The following KCND3 variants were observed in gnomAD, a reference collection of about 807,000 sequenced individuals.
The protein encoded by KCND3 is potassium voltage-gated channel subfamily D member 3.
Under a neutral mutation model 51.1 loss-of-function variants are expected in KCND3, and 9 were observed. That is an observed-to-expected ratio of 0.18 (90% CI 0.11 to 0.31). KCND3 has a LOEUF of 0.31. Among genes scored for constraint, KCND3 ranks in the 10% least tolerant of loss-of-function variants. The pLI is 1.00. For missense variants in KCND3, 526 were observed against 903.8 expected (o/e 0.58, Z 5.36); for synonymous variants, 349 against 368.0 (o/e 0.95, Z 0.59).
At chr1:111,840,271 G>C (rs564065784) in intron 2 of KCND3, among the ~76,000 whole-genome samples, 3 of 152,198 alleles carry the variant, frequency 2.0e-5, no homozygotes, top group Non-Finnish European at 4.4e-5. Context: ...CACAACACTG[G>C]CCTCAGACCT....
chr1:111,969,023 G>A (rs373169969), intron 2 of KCND3, among the ~76,000 whole-genome samples: 1 of 150,042 alleles, frequency 6.7e-6, no homozygotes, highest in African/African-American at 2.4e-5. Flanking sequence ...TTTTTTCTTT[G>A]GAGGGGCAAA....
intron 2 of KCND3, among the ~76,000 whole-genome samples, chr1:111,915,362 T>C (rs1671147449): frequency 6.6e-6 from 1 of 151,842 alleles, no homozygotes; most frequent in Admixed American, 6.6e-5. Flanking sequence ...AAGACCTAAC[T>C]ATGTGCTATC....
chr1:111,954,761 C>A (rs1053960914), intron 2 of KCND3, among the ~76,000 whole-genome samples: 12 of 152,240 alleles, frequency 7.9e-5, no homozygotes, highest in African/African-American at 2.9e-4. Context: ...CAGCAGCCTT[C>A]ATTCAGAATT....
intron 2 of KCND3, among the ~76,000 whole-genome samples, chr1:111,805,920 C>G (rs150085303): frequency 1.3e-5 from 2 of 152,124 alleles, no homozygotes; most frequent in African/African-American, 4.8e-5. Flanking sequence ...GGTGGCAGGA[C>G]GGGGACAGGA....
At position 111,796,932 on chromosome 1, in the gene KCND3, C is replaced by T. The variant is rs558909023; in HGVS notation, c.1107-9826G>A. ...CTTGTAGAGTCACAGCCAGTCACAG[C>T]GGCAGGCTCCTGGCCAAGATCACTT... On this transcript the variant is annotated intron_variant, in intron 2 of 7. Coordinates refer to ENST00000302127, the MANE Select transcript of KCND3 (RefSeq NM_001378969.1). Among the ~76,000 whole-genome samples, 6 of 152,260 alleles carry T rather than the reference C, an allele frequency of 3.9e-5. No individual in the cohort carries two copies. The East Asian group carries it at 7.7e-4, about 20-fold the overall frequency.
intron 2 of KCND3, among the ~76,000 whole-genome samples, chr1:111,827,863 C>T (rs1666648923): frequency 6.6e-6 from 1 of 152,164 alleles, no homozygotes; most frequent in Admixed American, 6.5e-5. Context: ...AGAAATGGGG[C>T]TCCAAGGGAT....
At chr1:111,829,923 AG>A (rs1666758347) in intron 2 of KCND3, among the ~76,000 whole-genome samples, 1 of 152,120 alleles carries the variant, frequency 6.6e-6, no homozygotes, top group African/African-American at 2.4e-5. Context: ...CTGCATCCTT[AG>A]TGTTGCGTTG....
intron 2 of KCND3, among the ~76,000 whole-genome samples, chr1:111,946,889 T>C (rs903916103): frequency 1.1e-4 from 17 of 152,220 alleles, no homozygotes; most frequent in Admixed American, 6.5e-5. Flanking sequence ...TCAGGAACTC[T>C]ATTAGGCTCT....
At position 111,901,597 on chromosome 1, in the gene KCND3, A is replaced by G. The variant is rs578191528; in HGVS notation, c.1106+80024T>C. Among the ~76,000 whole-genome samples the G allele has an allele frequency of 2.6e-3, 399 of 152,366 alleles. 1 individual carries two copies. Among genetic ancestry groups the G allele is most frequent in the African/African-American group, 9.0e-3 (373 of 41,586 alleles). On this transcript the variant is annotated intron_variant, in intron 2 of 7. Transcript: ENST00000302127. The stretch of plus-strand genomic sequence containing the variant: ...CCAGACTAAAGAATGAGACCTCATG[A>G]AAATGGGTCAGGACAATAAATGCTG...
intron 2 of KCND3, among the ~76,000 whole-genome samples, chr1:111,867,304 A>G (rs1264447952): frequency 2.6e-5 from 4 of 152,052 alleles, no homozygotes; most frequent in Admixed American, 6.5e-5. Context: ...TAGGTGCTCA[A>G]TGTGTGTTTG....
chr1:111,916,415 T>A (rs1028111239), intron 2 of KCND3, among the ~76,000 whole-genome samples: 7 of 152,182 alleles, frequency 4.6e-5, no homozygotes, highest in Non-Finnish European at 7.4e-5. Flanking sequence ...ATGTAGTAGC[T>A]AAAAGTGCTT....
At chr1:111,965,336 T>A (rs1038474710) in intron 2 of KCND3, among the ~76,000 whole-genome samples, 5 of 151,852 alleles carry the variant, frequency 3.3e-5, no homozygotes, top group Admixed American at 3.3e-4. Flanking sequence ...GGACTCTAGA[T>A]GGCAGGAAGA....
At chr1:111,897,477 C>A (rs545985572) in intron 2 of KCND3, among the ~76,000 whole-genome samples, 166 of 152,342 alleles carry the variant, frequency 1.1e-3, no homozygotes, top group African/African-American at 3.8e-3. Context: ...GGCAGTCAGG[C>A]ACACAGGCCT....
chr1:111,988,656 A>G (rs1159570248), intron 1 of KCND3: 1 of 152,156 alleles, frequency 6.6e-6, no homozygotes, highest in African/African-American at 2.4e-5. Context: ...ATTCATGCAA[A>G]ATACAGCAAC....
intron 2 of KCND3, among the ~76,000 whole-genome samples, chr1:111,931,301 T>C (rs1191877694): frequency 6.6e-6 from 1 of 152,170 alleles, no homozygotes; most frequent in Non-Finnish European, 1.5e-5. Flanking sequence ...TACCTTCTTG[T>C]ACTGTTTTGA....
intron 2 of KCND3, among the ~76,000 whole-genome samples, chr1:111,931,459 A>G (rs897865458): frequency 1.3e-5 from 2 of 152,232 alleles, no homozygotes; most frequent in African/African-American, 2.4e-5. Flanking sequence ...TCCTCAAGGA[A>G]AAGGTCCCAC....
intron 2 of KCND3, among the ~76,000 whole-genome samples, chr1:111,858,104 T>A (rs1186255383): frequency 6.6e-6 from 1 of 152,196 alleles, no homozygotes; most frequent in Non-Finnish European, 1.5e-5. Context: ...CCTTCAAACA[T>A]GTGGCTGCCC....
At chr1:111,967,707 C>A (rs891348728) in intron 2 of KCND3, among the ~76,000 whole-genome samples, 40 of 152,342 alleles carry the variant, frequency 2.6e-4, no homozygotes, top group African/African-American at 9.6e-4. Flanking sequence ...TAAGGATTAT[C>A]CAGGCTACTG....
chr1:111,886,262 G>A (rs1209299770), intron 2 of KCND3, among the ~76,000 whole-genome samples: 2 of 152,306 alleles, frequency 1.3e-5, no homozygotes, highest in Admixed American at 1.3e-4. Context: ...ATGGTATCTG[G>A]ATCAAGGGAA....
Sources: gnomAD v4.1 joint callset for allele counts (sites outside exome capture counted in the v4.1 genomes callset) on GRCh38, gnomAD v4.1.1 for gene constraint, MANE v1.5 for transcripts, NCBI Gene and HGNC (gene_info 2026-07-23, HGNC 2026-07-21) for gene names.